POFUT1: variants seen among roughly 807,000 people sequenced by gnomAD.
The protein encoded by POFUT1 is protein O-fucosyltransferase 1.
POFUT1 carries 16 observed loss-of-function variants against 42.4 expected under a neutral mutation model. That is an observed-to-expected ratio of 0.38 (90% confidence interval 0.26 to 0.57). The LOEUF is 0.57. Among genes scored for constraint, POFUT1 ranks in the 20% least tolerant of loss-of-function variants. POFUT1 has a pLI of 0.71. For synonymous variants in POFUT1, 206 were observed against 205.4 expected (o/e 1.00, Z -0.03); for missense variants, 470 against 504.6 (o/e 0.93, Z 0.66).
Position 32,234,469 on chromosome 20 carries a change from G to T in POFUT1, c.979-4G>T, listed in dbSNP as rs1221059472. 6.3e-7 allele frequency: 1 copy of T among 1,598,074 alleles called. No homozygotes were observed. The highest frequency in any genetic ancestry group is 1.7e-5 in the Admixed American group (1 of 58,100). ...GCTTATATGCTCTGTGCTTCTTCCT[G>T]CAGGTGAAGGTGGTGAGCCTGAAGC... On this transcript the variant is annotated splice_polypyrimidine_tract_variant and splice_region_variant and intron_variant, in intron 6 of 6. Coordinates refer to ENST00000375749, the MANE Select transcript of POFUT1 (RefSeq NM_015352.2).
Position 32,219,021 on chromosome 20 carries a change from G to T in POFUT1, c.542+2300G>T, listed in dbSNP as rs138402664. 1.1e-4 allele frequency among the ~76,000 whole-genome samples: 16 copies of T among 152,302 alleles called. No individual in the cohort carries two copies. In the East Asian group the frequency reaches 3.1e-3, roughly 29 times the overall value. ...GTTTGAGGGAGTTGATGGTCCCTTGGCAGCTGCCTGTCTTCCTTCAACACA... is the reference window on the plus strand; with the variant it reads ...GTTTGAGGGAGTTGATGGTCCCTTGTCAGCTGCCTGTCTTCCTTCAACACA... On this transcript the variant is annotated intron_variant, in intron 4 of 6. Transcript: ENST00000375749.
rs2047440541 is a variant in POFUT1, at chr20:32,230,962, T to C, written c.879T>C (p.Ala293=). The part of the protein sequence containing the change: ...CLPDLKEIQR[A]VKLWVRSLDA... ...CTGACCTGAAGGAGATCCAGAGGGCTGTGAAGCTCTGGGTGAGGTCGCTGG... is the reference window on the plus strand; with the variant it reads ...CTGACCTGAAGGAGATCCAGAGGGCCGTGAAGCTCTGGGTGAGGTCGCTGG... The change falls in exon 6 of 7, where the codon GCT becomes GCC. Residue 293 remains alanine, a synonymous_variant. Transcript: ENST00000375749. 1.9e-6 allele frequency: 3 copies of C among 1,614,226 alleles called. No homozygotes were observed. The highest frequency in any genetic ancestry group is 1.7e-6 in the Non-Finnish European group (2 of 1,180,034).
Position 32,216,690 on chromosome 20 carries a change from A to T in POFUT1, c.511A>T (p.Ser171Cys). The change falls in exon 4 of 7, where the codon AGT (serine) becomes TGT (cysteine). Residue 171 changes from serine to cysteine, a missense_variant. Ser to Cys is a moderately radical substitution (Grantham distance 112). Coordinates refer to ENST00000375749, the MANE Select transcript of POFUT1 (RefSeq NM_015352.2). Reference sequence around the variant, plus strand: ...GGAGCTTTTTACAGGCATTTCCTTCAGTGCTTCCTACAGAGAACAATGGAG... The same window carrying T: ...GGAGCTTTTTACAGGCATTTCCTTCTGTGCTTCCTACAGAGAACAATGGAG... ...KSELFTGISF[S>C]ASYREQWSQR... 2 of 1,613,140 alleles carry T rather than the reference A, an allele frequency of 1.2e-6. No homozygotes were observed. The highest frequency in any genetic ancestry group is 1.7e-6 in the Non-Finnish European group (2 of 1,179,084).
chr20:32,228,540 C>G (rs889736425), intron 5 of POFUT1, 85 bp downstream of exon 5: 1 of 1,134,140 alleles, frequency 8.8e-7, no homozygotes, highest in African/African-American at 1.5e-5. Context: ...CCCCGCGTCC[C>G]AGCCAGAGCA....
chr20:32,220,912 G>A (rs2047387950), intron 4 of POFUT1, among the ~76,000 whole-genome samples: 1 of 152,038 alleles, frequency 6.6e-6, no homozygotes, highest in Admixed American at 6.6e-5. Flanking sequence ...TGTTCTGAGA[G>A]GGAGCATCCA....
At chr20:32,232,962 T>G (rs530564708) in intron 6 of POFUT1, among the ~76,000 whole-genome samples, 1 of 152,322 alleles carries the variant, frequency 6.6e-6, no homozygotes, top group African/African-American at 2.4e-5. Flanking sequence ...GGGCTCACAT[T>G]CTAGACCCAG....
At chr20:32,225,004 T>C (rs1280919341) in intron 4 of POFUT1, among the ~76,000 whole-genome samples, 1 of 152,182 alleles carries the variant, frequency 6.6e-6, no homozygotes, top group Non-Finnish European at 1.5e-5. Context: ...TAGAATTCTT[T>C]GAGAGCTTTC....
At chr20:32,217,750 T>C (rs2047370164) in intron 4 of POFUT1, 1 of 985,068 alleles carries the variant, frequency 1.0e-6, no homozygotes, top group Non-Finnish European at 1.2e-6. Flanking sequence ...CATGCTTTAT[T>C]TTATTTAAGA....
chr20:32,231,174 C>T (rs1194612270), intron 6 of POFUT1, 113 bp downstream of exon 6: 26 of 1,149,524 alleles, frequency 2.3e-5, no homozygotes, highest in African/African-American at 3.0e-5. Flanking sequence ...TTTGCCTGGA[C>T]CTACCATTCC....
chr20:32,233,739 G>A (rs2047455172), intron 6 of POFUT1, among the ~76,000 whole-genome samples: 1 of 152,176 alleles, frequency 6.6e-6, no homozygotes. Flanking sequence ...TAGATTGGAC[G>A]GACCTTGGGC....
intron 6 of POFUT1, 102 bp from the exon 7 acceptor site, chr20:32,234,371 T>G: frequency 9.2e-7 from 1 of 1,087,598 alleles, no homozygotes; most frequent in Non-Finnish European, 1.3e-6. Context: ...GCCCCTCCTT[T>G]TGTGTCTGTA....
intron 4 of POFUT1, among the ~76,000 whole-genome samples, chr20:32,225,865 G>A (rs995526519): frequency 1.3e-5 from 2 of 152,226 alleles, no homozygotes; most frequent in Non-Finnish European, 2.9e-5. Flanking sequence ...TTATGTGGAT[G>A]AGGAGCTAAG....
chr20:32,234,643 G>A lies in POFUT1; in HGVS notation c.1149G>A (p.Lys383=). Residue 383 remains lysine (K), a synonymous_variant, in exon 7 of 7, where the codon AAG becomes AAA. Coordinates refer to ENST00000375749, the MANE Select transcript of POFUT1 (RefSeq NM_015352.2). ...SSFFGMDRPP[K]LRDEF The stretch of plus-strand genomic sequence containing the variant: ...TCTTCGGCATGGACAGGCCCCCTAA[G>A]CTGCGGGACGAGTTCTGATTCTGGC... The A allele has an allele frequency of 6.2e-7, 1 of 1,609,950 alleles. No homozygotes were observed. The highest frequency in any genetic ancestry group is 8.5e-7 in the Non-Finnish European group (1 of 1,177,652).
chr20:32,221,123 ACG>A (rs1438181752), intron 4 of POFUT1, among the ~76,000 whole-genome samples: 1 of 152,168 alleles, frequency 6.6e-6, no homozygotes, highest in Non-Finnish European at 1.5e-5. Flanking sequence ...GGGTCAAAAC[ACG>A]CGGGTTTATA....
intron 4 of POFUT1, chr20:32,222,942 G>C: frequency 1.0e-6 from 1 of 984,120 alleles, no homozygotes; most frequent in Non-Finnish European, 1.2e-6. Flanking sequence ...CAGCCATGCA[G>C]AGAGCTGGAG....
intron 3 of POFUT1, 88 bp downstream of exon 3, chr20:32,215,539 G>GCC: frequency 9.0e-7 from 1 of 1,116,688 alleles, no homozygotes; most frequent in Non-Finnish European, 1.3e-6. Context: ...GTGGGGAAAA[G>GCC]CACCAGAAGG....
At chr20:32,229,470 G>A (rs1200560973) in intron 5 of POFUT1, among the ~76,000 whole-genome samples, 1 of 152,114 alleles carries the variant, frequency 6.6e-6, no homozygotes, top group Non-Finnish European at 1.5e-5. Context: ...TTTGATAAAA[G>A]TCACCACCTG....
chr20:32,225,976 A>G (rs1487911104), intron 4 of POFUT1, among the ~76,000 whole-genome samples: 1 of 152,222 alleles, frequency 6.6e-6, no homozygotes, highest in East Asian at 1.9e-4. Context: ...ATTCCACTCC[A>G]TAGAAAGCAC....
intron 4 of POFUT1, among the ~76,000 whole-genome samples, chr20:32,224,689 G>A (rs2047406251): frequency 6.6e-6 from 1 of 152,232 alleles, no homozygotes; most frequent in African/African-American, 2.4e-5. Context: ...CCTTGGAGGT[G>A]TGGAAGGTGT....
Sources: gnomAD v4.1 joint callset for allele counts (sites outside exome capture counted in the v4.1 genomes callset) on GRCh38, gnomAD v4.1.1 for gene constraint, MANE v1.5 for transcripts, NCBI Gene and HGNC (gene_info 2026-07-23, HGNC 2026-07-21) for gene names.